The following ZNF670 variants were observed in gnomAD, a reference collection of about 807,000 sequenced individuals.
The protein encoded by ZNF670 is zinc finger protein 670.
Under a neutral mutation model 10.9 loss-of-function variants are expected in ZNF670, and 7 were observed. The ratio of observed to expected loss-of-function variants is 0.64; its 90% CI spans 0.36 to 1.20. The LOEUF is 1.20. Among genes scored for constraint, ZNF670 ranks in the 50% most tolerant of loss-of-function variants. The pLI is 0.02. For missense variants in ZNF670, 446 were observed against 458.6 expected (o/e 0.97, Z 0.25); for synonymous variants, 136 against 152.7 (o/e 0.89, Z 0.81).
intron 1 of ZNF670, among the ~76,000 whole-genome samples, chr1:247,067,581 G>A (rs1403598025): frequency 6.0e-5 from 9 of 150,712 alleles, no homozygotes; most frequent in East Asian, 2.0e-4. Context: ...GGTGGCTCAC[G>A]CCTGTAATCC....
intron 1 of ZNF670, among the ~76,000 whole-genome samples, chr1:247,074,864 G>A (rs1347830788): frequency 2.6e-5 from 4 of 152,152 alleles, no homozygotes; most frequent in South Asian, 4.1e-4. Context: ...CTGCTCCATG[G>A]CCCAGGGGTT....
rs2103051215 is a variant in ZNF670, at chr1:247,038,800, T to C, written c.191+10A>G. On this transcript the variant is annotated intron_variant, in intron 3 of 3. Transcript: ENST00000366503. ...CAAGGGGCATTTTTGCTCTTGTGAA[T>C]GCAAATTACCTTAGATTTCTCCCAG... 2 of 1,610,104 alleles carry C rather than the reference T, an allele frequency of 1.2e-6. No individual in the cohort carries two copies. Among genetic ancestry groups the C allele is most frequent in the East Asian group, 2.2e-5 (1 of 44,780 alleles).
intron 1 of ZNF670, among the ~76,000 whole-genome samples, chr1:247,046,641 T>C (rs1029329657): frequency 2.6e-5 from 4 of 152,172 alleles, no homozygotes; most frequent in African/African-American, 9.7e-5. Flanking sequence ...AGGCAGCCTC[T>C]ACTAGGGCAG....
intron 2 of ZNF670, 130 bp from the exon 3 acceptor site, chr1:247,039,000 C>G (rs1486921354): frequency 1.9e-6 from 1 of 529,352 alleles, no homozygotes; most frequent in East Asian, 3.2e-5. Context: ...CATGCCAAAT[C>G]AGGAAACATT....
chr1:247,052,285 C>A (rs983048039), intron 1 of ZNF670, among the ~76,000 whole-genome samples: 16 of 152,130 alleles, frequency 1.1e-4, no homozygotes, highest in African/African-American at 3.6e-4. Context: ...CAGGGTGATG[C>A]CTTGATGTGG....
intron 1 of ZNF670, among the ~76,000 whole-genome samples, chr1:247,040,479 T>C (rs1276744598): frequency 2.0e-5 from 3 of 152,088 alleles, no homozygotes; most frequent in Non-Finnish European, 2.9e-5. Context: ...ACAGACACTT[T>C]ATTAGCAACT....
chr1:247,065,094 C>T (rs1454700198), intron 1 of ZNF670, among the ~76,000 whole-genome samples: 2 of 152,178 alleles, frequency 1.3e-5, no homozygotes, highest in African/African-American at 4.8e-5. Context: ...GGGCATGAGC[C>T]ACCAGGCCTG....
At chr1:247,054,870 A>C (rs1670680584) in intron 1 of ZNF670, among the ~76,000 whole-genome samples, 1 of 152,244 alleles carries the variant, frequency 6.6e-6, no homozygotes, top group South Asian at 2.1e-4. Context: ...TTGTAACCTC[A>C]AATTTAAAAA....
intron 3 of ZNF670, 35 bp downstream of exon 3, chr1:247,038,775 C>G (rs1408318708): frequency 2.6e-6 from 4 of 1,563,280 alleles, no homozygotes; most frequent in Non-Finnish European, 3.5e-6. Flanking sequence ...AAGATTCCCT[C>G]AAGGGGCATT....
At chr1:247,055,295 A>G (rs1309270637) in intron 1 of ZNF670, among the ~76,000 whole-genome samples, 1 of 152,194 alleles carries the variant, frequency 6.6e-6, no homozygotes, top group African/African-American at 2.4e-5. Flanking sequence ...CCAAGCCTCT[A>G]TGAATCATCA....
chr1:247,057,151 A>G (rs1670738375), intron 1 of ZNF670, among the ~76,000 whole-genome samples: 1 of 152,172 alleles, frequency 6.6e-6, no homozygotes, highest in Admixed American at 6.5e-5. Context: ...CAAATACAGG[A>G]AAAAAAATTC....
intron 1 of ZNF670, chr1:247,043,303 A>G (rs1322032225): frequency 6.5e-6 from 4 of 615,576 alleles, no homozygotes; most frequent in Non-Finnish European, 1.2e-5. Context: ...GTCTGTGATA[A>G]ATCAGTTAGA....
intron 1 of ZNF670, among the ~76,000 whole-genome samples, chr1:247,046,646 G>T (rs1670456859): frequency 6.6e-6 from 1 of 152,196 alleles, no homozygotes; most frequent in Non-Finnish European, 1.5e-5. Context: ...GCCTCTACTA[G>T]GGCAGTGCCA....
chr1:247,062,547 A>G (rs1361357314), intron 1 of ZNF670, among the ~76,000 whole-genome samples: 1 of 152,150 alleles, frequency 6.6e-6, no homozygotes, highest in Non-Finnish European at 1.5e-5. Flanking sequence ...GGTGGTACTG[A>G]CTGGAACACA....
At chr1:247,056,419 C>T (rs776905210) in intron 1 of ZNF670, among the ~76,000 whole-genome samples, 6 of 152,106 alleles carry the variant, frequency 3.9e-5, no homozygotes, top group Non-Finnish European at 7.3e-5. Flanking sequence ...TTAATATGCT[C>T]CTGAATGAGT....
At chr1:247,049,357 T>G (rs1670538522) in intron 1 of ZNF670, among the ~76,000 whole-genome samples, 1 of 152,072 alleles carries the variant, frequency 6.6e-6, no homozygotes, top group Non-Finnish European at 1.5e-5. Context: ...TGAGCCACCA[T>G]GCCTGGCCCT....
intron 1 of ZNF670, among the ~76,000 whole-genome samples, chr1:247,064,437 C>T (rs948570121): frequency 6.6e-6 from 1 of 152,188 alleles, no homozygotes; most frequent in African/African-American, 2.4e-5. Flanking sequence ...ATGTGGGGCC[C>T]AATGAGGCCA....
chr1:247,077,317 A>T (rs1671276911), intron 1 of ZNF670, among the ~76,000 whole-genome samples: 1 of 152,196 alleles, frequency 6.6e-6, no homozygotes, highest in African/African-American at 2.4e-5. Flanking sequence ...TGAGGAGATG[A>T]CCCAGGAGAA....
At chr1:247,045,647 C>G (rs753201111) in intron 1 of ZNF670, among the ~76,000 whole-genome samples, 3 of 152,076 alleles carry the variant, frequency 2.0e-5, no homozygotes, top group African/African-American at 7.2e-5. Context: ...TACTTTATAT[C>G]AATGGAAAAA....
Sources: gnomAD v4.1 joint callset for allele counts (sites outside exome capture counted in the v4.1 genomes callset) on GRCh38, gnomAD v4.1.1 for gene constraint, MANE v1.5 for transcripts, NCBI Gene and HGNC (gene_info 2026-07-23, HGNC 2026-07-21) for gene names.